Variants in AAGAB observed in about 807,000 individuals in gnomAD.
AAGAB encodes alpha and gamma adaptin binding protein, also known as alpha- and gamma-adaptin-binding protein p34.
A neutral mutation model predicts 44.1 loss-of-function variants in AAGAB; 38 were observed. That is an observed-to-expected ratio of 0.86 (90% CI 0.67 to 1.13). AAGAB has a LOEUF of 1.13. Ranked by LOEUF, AAGAB falls within the 50% of genes most tolerant of loss-of-function variation. The pLI is 0.00. For synonymous variants in AAGAB, 131 were observed against 131.8 expected (o/e 0.99, Z 0.04); for missense variants, 450 against 373.8 (o/e 1.20, Z -1.68).
At chr15:67,253,530 G>T (rs554711703) in intron 1 of AAGAB, among the ~76,000 whole-genome samples, 113 of 152,066 alleles carry the variant, frequency 7.4e-4, no homozygotes, top group African/African-American at 2.6e-3. Flanking sequence ...AAGACAGGAG[G>T]ATCACTTGAA....
intron 5 of AAGAB, among the ~76,000 whole-genome samples, chr15:67,219,672 G>C (rs1426849131): frequency 1.3e-5 from 2 of 151,838 alleles, no homozygotes; most frequent in South Asian, 4.2e-4. Context: ...GAGGGAGGGG[G>C]GCAAGGATTG....
At chr15:67,203,407 A>G in intron 9 of AAGAB, 141 bp downstream of exon 9, 1 of 756,364 alleles carries the variant, frequency 1.3e-6, no homozygotes, top group East Asian at 2.7e-5. Context: ...TACTGTATAA[A>G]TATTTAATTA....
rs1472026353 is a variant in AAGAB, at chr15:67,202,655, G to T, written c.*166C>A. Reference sequence around the variant, plus strand: ...CTTACAATATACTGAGGAAAAAAAAGATTTCTCCTTAACCTCCTACTAAAA... The same window carrying T: ...CTTACAATATACTGAGGAAAAAAAATATTTCTCCTTAACCTCCTACTAAAA... On this transcript the variant is annotated 3_prime_UTR_variant, in exon 10 of 10. Coordinates refer to ENST00000261880, the MANE Select transcript of AAGAB (RefSeq NM_024666.5). The T allele has an allele frequency of 1.6e-6, 1 of 612,872 alleles. No individual in the cohort carries two copies. The highest frequency in any genetic ancestry group is 2.7e-5 in the East Asian group (1 of 36,622). 38.0% of individuals were successfully genotyped at this position (612,872 alleles called of 1,614,324 possible).
At chr15:67,203,842 G>A (rs1963623562) in intron 8 of AAGAB, among the ~76,000 whole-genome samples, 1 of 151,812 alleles carries the variant, frequency 6.6e-6, no homozygotes, top group Non-Finnish European at 1.5e-5. Flanking sequence ...AGCAGGAAAA[G>A]TAAAAAGAAA....
intron 5 of AAGAB, 41 bp from the exon 6 acceptor site, chr15:67,209,585 AT>A: frequency 6.7e-7 from 1 of 1,495,186 alleles, no homozygotes; most frequent in Non-Finnish European, 9.3e-7. Context: ...TGTCATTTAC[AT>A]TTTAAACTGT....
chr15:67,241,032 T>C (rs1964582723), intron 1 of AAGAB, among the ~76,000 whole-genome samples: 1 of 76,986 alleles, frequency 1.3e-5, no homozygotes, highest in African/African-American at 4.6e-5. Context: ...CACAAATATC[T>C]GTTCTCCTAC....
At chr15:67,207,238 AG>A (rs1214329583) in intron 7 of AAGAB, among the ~76,000 whole-genome samples, 1 of 152,198 alleles carries the variant, frequency 6.6e-6, no homozygotes, top group African/African-American at 2.4e-5. Context: ...ACAAAAAGAA[AG>A]CAAGATCTGA....
intron 1 of AAGAB, among the ~76,000 whole-genome samples, chr15:67,247,838 TA>T (rs1450281552): frequency 6.6e-6 from 1 of 152,242 alleles, no homozygotes; most frequent in Non-Finnish European, 1.5e-5. Context: ...AAACTAATTG[TA>T]AACTGATTTT....
intron 5 of AAGAB, among the ~76,000 whole-genome samples, chr15:67,230,428 G>A (rs1422472008): frequency 1.3e-5 from 2 of 152,110 alleles, no homozygotes; most frequent in East Asian, 3.8e-4. Context: ...TGACTGTTGT[G>A]CTTATAAAAA....
intron 1 of AAGAB, 122 bp downstream of exon 1, chr15:67,254,437 T>C: frequency 1.2e-5 from 18 of 1,452,602 alleles, no homozygotes; most frequent in Non-Finnish European, 1.6e-5. Context: ...GCGCCTCCAC[T>C]GACTGGAGGA....
intron 5 of AAGAB, among the ~76,000 whole-genome samples, chr15:67,212,864 A>G (rs1963856228): frequency 6.6e-6 from 1 of 152,228 alleles, no homozygotes; most frequent in Non-Finnish European, 1.5e-5. Flanking sequence ...CTTCTCATAG[A>G]AAAGAATTAC....
chr15:67,225,543 T>C (rs891783588), intron 5 of AAGAB, among the ~76,000 whole-genome samples: 4 of 152,216 alleles, frequency 2.6e-5, no homozygotes, highest in East Asian at 1.9e-4. Flanking sequence ...AGAAATACCA[T>C]ACCCATGAGC....
At position 67,201,535 on chromosome 15, in the gene AAGAB, A is replaced by G; in HGVS notation, c.*1286T>C. On this transcript the variant is annotated 3_prime_UTR_variant, in exon 10 of 10. Transcript: ENST00000261880. ...AACCTGTTTCTTTCATGCTGTGTAA[A>G]TGGTTCTAGAGCCCACCTAGGCCAG... 6.6e-6 allele frequency: 1 copy of G among 152,268 alleles called. No homozygotes were observed. Among genetic ancestry groups the G allele is most frequent in the East Asian group, 1.9e-4 (1 of 5,328 alleles). 9.4% of individuals were successfully genotyped at this position (152,268 alleles called of 1,614,324 possible).
intron 5 of AAGAB, among the ~76,000 whole-genome samples, chr15:67,229,928 CCT>C (rs905698582): frequency 1.4e-4 from 21 of 152,036 alleles, no homozygotes; most frequent in Non-Finnish European, 4.4e-5. Context: ...CTCACTGCAA[CCT>C]CTGACTCCCT....
chr15:67,241,582 G>A (rs543699100), intron 1 of AAGAB, among the ~76,000 whole-genome samples: 15 of 151,922 alleles, frequency 9.9e-5, no homozygotes, highest in African/African-American at 2.2e-4. Context: ...ACCTGGGGTC[G>A]GACAGGCCTG....
chr15:67,208,284 TGTTTCGCCACCTG>T (rs1963730212), intron 7 of AAGAB, among the ~76,000 whole-genome samples: 1 of 152,268 alleles, frequency 6.6e-6, no homozygotes, highest in Non-Finnish European at 1.5e-5. Flanking sequence ...CAGAGCTAGC[TGTTTCGCCACCTG>T]GTTCGGTCTG....
intron 1 of AAGAB, among the ~76,000 whole-genome samples, chr15:67,245,836 TC>T (rs533238549): frequency 1.3e-5 from 2 of 152,086 alleles, no homozygotes; most frequent in African/African-American, 2.4e-5. Flanking sequence ...AGATTTTTTT[TC>T]CCCCACAGAA....
chr15:67,233,917 C>A (rs186480937), intron 4 of AAGAB, among the ~76,000 whole-genome samples: 37 of 152,202 alleles, frequency 2.4e-4, no homozygotes, highest in African/African-American at 8.9e-4. Context: ...AGAATACCAA[C>A]CTGCCAACCT....
chr15:67,228,003 A>G (rs548761313), intron 5 of AAGAB, among the ~76,000 whole-genome samples: 2 of 152,336 alleles, frequency 1.3e-5, no homozygotes, highest in East Asian at 3.9e-4. Flanking sequence ...AAAATCCACA[A>G]TGTACCTCCT....
Sources: gnomAD v4.1 joint callset for allele counts (sites outside exome capture counted in the v4.1 genomes callset) on GRCh38, gnomAD v4.1.1 for gene constraint, MANE v1.5 for transcripts, NCBI Gene and HGNC (gene_info 2026-07-23, HGNC 2026-07-21) for gene names.